Variants in CCDC180 observed in about 807,000 individuals in gnomAD.
The protein encoded by CCDC180 is coiled-coil domain containing 180.
Under a neutral mutation model 209.2 loss-of-function variants are expected in CCDC180, and 154 were observed. The ratio of observed to expected loss-of-function variants is 0.74; its 90% CI spans 0.65 to 0.84. The LOEUF is 0.84. Among genes scored for constraint, CCDC180 ranks in the 40% least tolerant of loss-of-function variants. The probability of loss-of-function intolerance (pLI) is 0.00; values close to 1 mark genes in which losing one functional copy is unlikely to be tolerated. For synonymous variants in CCDC180, 778 were observed against 749.1 expected, an observed-to-expected ratio of 1.04 and a Z score of -0.63; for missense variants, 1,874 against 1,997.3, an observed-to-expected ratio of 0.94 and a Z score of 1.18.
At chr9:97,375,928 G>A in intron 36 of CCDC180, 1 of 286,646 alleles carries the variant, frequency 3.5e-6, no homozygotes, top group Non-Finnish European at 6.6e-6. Flanking sequence ...CGTAGGCTCA[G>A]GGGGGACACA....
intron 33 of CCDC180, 102 bp downstream of exon 33, chr9:97,370,880 C>A: frequency 2.4e-6 from 3 of 1,257,728 alleles, no homozygotes; most frequent in Non-Finnish European, 2.2e-6. Context: ...GTATCTTGCC[C>A]AAAGCAGGCA....
chr9:97,315,327 A>G (rs1276094491), intron 8 of CCDC180, among the ~76,000 whole-genome samples: 5 of 152,174 alleles, frequency 3.3e-5, no homozygotes, highest in African/African-American at 1.2e-4. Context: ...CGGTGGTCTC[A>G]GGGTGGTTTC....
At position 97,314,375 on chromosome 9, in the gene CCDC180, A is replaced by G; in HGVS notation, c.460-18A>G. The G allele has an allele frequency of 1.9e-6, 3 of 1,613,862 alleles. No homozygotes were observed. Among genetic ancestry groups the G allele is most frequent in the Non-Finnish European group, 2.5e-6 (3 of 1,179,844 alleles). On this transcript the variant is annotated intron_variant, in intron 5 of 36. Transcript: ENST00000529487. ...GGGGTGCTGATGCCTTGGCCATCAT[A>G]CCCCTGGCCTGTTGCAGGAAATGGA...
intron 10 of CCDC180, among the ~76,000 whole-genome samples, chr9:97,319,490 C>G (rs1833286924): frequency 6.6e-6 from 1 of 152,144 alleles, no homozygotes; most frequent in Non-Finnish European, 1.5e-5. Context: ...TCCTTCCACC[C>G]TCCACCCTCA....
intron 20 of CCDC180, chr9:97,347,789 A>T (rs1564166001): frequency 3.7e-6 from 1 of 270,504 alleles, no homozygotes; most frequent in East Asian, 8.7e-5. Context: ...ATCTGCTCAT[A>T]CACCTGTCAG....
At chr9:97,375,977 A>C (rs1297170049) in intron 36 of CCDC180, 2 of 220,944 alleles carry the variant, frequency 9.1e-6, no homozygotes, top group Non-Finnish European at 1.8e-5. Flanking sequence ...ACTTACTGGG[A>C]AGTACTTACT....
In CCDC180 at chr9:97,318,469, C is replaced by A; in HGVS notation, c.966C>A (p.Phe322Leu). 6.2e-7 allele frequency: 1 copy of A among 1,613,528 alleles called. No individual in the cohort carries two copies. Among genetic ancestry groups the A allele is most frequent in the South Asian group, 1.1e-5 (1 of 91,036 alleles). ...CAACATGTCTGGCCACCAGTGAGTT[C>A]ATGGCCAGTGAGAGTATCCATACTC... ...KEALLQSFSE[F>L]MASESIHTPP... The change falls in exon 10 of 37, where the codon TTC becomes TTA. Residue 322 changes from phenylalanine (F) to leucine (L), a missense_variant. By Grantham distance (22) the Phe-to-Leu change is conservative (BLOSUM62 0). Coordinates refer to ENST00000529487, the MANE Select transcript of CCDC180 (RefSeq NM_020893.6).
chr9:97,357,802 C>T, intron 25 of CCDC180, 77 bp downstream of exon 25: 1 of 1,225,438 alleles, frequency 8.2e-7, no homozygotes, highest in Non-Finnish European at 1.2e-6. Flanking sequence ...ATAAATTTAC[C>T]TGTGTGTATA....
chr9:97,348,474 G>A (rs1283299067), intron 20 of CCDC180, among the ~76,000 whole-genome samples: 1 of 152,198 alleles, frequency 6.6e-6, no homozygotes, highest in African/African-American at 2.4e-5. Context: ...AATACACAGT[G>A]TGGAAAACAA....
At chr9:97,355,151 T>C (rs1332698241) in intron 24 of CCDC180, 143 bp downstream of exon 24, 1 of 607,914 alleles carries the variant, frequency 1.6e-6, no homozygotes, top group Non-Finnish European at 2.9e-6. Context: ...CACAATCTTT[T>C]TTTTCTTTTT....
At chr9:97,342,852 C>T (rs1466822329) in intron 18 of CCDC180, among the ~76,000 whole-genome samples, 1 of 152,210 alleles carries the variant, frequency 6.6e-6, no homozygotes, top group Non-Finnish European at 1.5e-5. Context: ...TAAAATAAAT[C>T]TTGTCCTCAA....
chr9:97,362,121 A>G, intron 27 of CCDC180, 75 bp from the exon 28 acceptor site: 2 of 1,545,572 alleles, frequency 1.3e-6, no homozygotes, highest in East Asian at 2.3e-5. Context: ...ACTAACTGGG[A>G]TGCTGCTCAG....
chr9:97,333,885 AT>A (rs1825825926), intron 18 of CCDC180, among the ~76,000 whole-genome samples: 2 of 151,168 alleles, frequency 1.3e-5, no homozygotes, highest in African/African-American at 4.9e-5. Flanking sequence ...CAGAGGTGTG[AT>A]CTCAGCTCAC....
In CCDC180 at chr9:97,361,477, T is replaced by C. The variant is rs144465762; in HGVS notation, c.3484-249T>C. ...TCTTGGCCCCTGTGTTCCTAGAACA[T>C]GGGCAGAGACTTGTGAAGAGCAGGC... On this transcript the variant is annotated intron_variant, in intron 26 of 36. Coordinates refer to ENST00000529487, the MANE Select transcript of CCDC180 (RefSeq NM_020893.6). Among the ~76,000 whole-genome samples, 1,090 of 152,288 alleles carry C rather than the reference T, an allele frequency of 7.2e-3. 22 individuals carry two copies. Among genetic ancestry groups the C allele is most frequent in the African/African-American group, 0.025 (1,043 of 41,554 alleles).
intron 28 of CCDC180, 149 bp downstream of exon 28, chr9:97,362,590 G>C (rs548114022): frequency 3.9e-5 from 47 of 1,194,780 alleles, no homozygotes; most frequent in Non-Finnish European, 5.4e-5. Flanking sequence ...TGAGGGGTGA[G>C]CGCCATCCTT....
chr9:97,343,873 A>C (rs1826167313), intron 19 of CCDC180, among the ~76,000 whole-genome samples: 1 of 152,210 alleles, frequency 6.6e-6, no homozygotes, highest in Non-Finnish European at 1.5e-5. Flanking sequence ...TTCCTGGTAC[A>C]TCTGTAATCA....
chr9:97,365,885 C>T, intron 30 of CCDC180, 146 bp downstream of exon 30: 1 of 667,430 alleles, frequency 1.5e-6, no homozygotes, highest in Non-Finnish European at 2.6e-6. Flanking sequence ...CTGTCACCTC[C>T]CTATGAGTTT....
At chr9:97,369,458 T>TGTTATGTTAC (rs1273436133) in intron 31 of CCDC180, 1 of 158,054 alleles carries the variant, frequency 6.3e-6, no homozygotes, top group Non-Finnish European at 1.4e-5. Flanking sequence ...TGTTATGTTA[T>TGTTATGTTAC]GTTATGTTAT....
intron 24 of CCDC180, among the ~76,000 whole-genome samples, chr9:97,355,877 TC>T (rs1356477359): frequency 6.6e-6 from 1 of 151,666 alleles, no homozygotes; most frequent in African/African-American, 2.4e-5. Context: ...ATGGAGAAAA[TC>T]CAGGGGGCTG....
Sources: gnomAD v4.1 joint callset for allele counts (sites outside exome capture counted in the v4.1 genomes callset) on GRCh38, gnomAD v4.1.1 for gene constraint, MANE v1.5 for transcripts, NCBI Gene and HGNC (gene_info 2026-07-23, HGNC 2026-07-21) for gene names.